Variants in ELP5 observed in about 807,000 individuals in gnomAD.
ELP5 encodes the protein elongator acetyltransferase complex subunit 5.
A neutral mutation model predicts 33.4 loss-of-function variants in ELP5; 34 were observed. That is an observed-to-expected ratio of 1.02 (90% CI 0.78 to 1.36). The LOEUF (loss-of-function observed/expected upper bound fraction) is 1.36, where lower values mean the gene tolerates loss of function less well. Ranked by LOEUF, ELP5 falls within the 40% of genes most tolerant of loss-of-function variation. The probability of loss-of-function intolerance (pLI) is 0.00; values close to 1 mark genes in which losing one functional copy is unlikely to be tolerated. For synonymous variants in ELP5, 161 were observed against 146.4 expected, an observed-to-expected ratio of 1.10 and a Z score of -0.72; for missense variants, 373 against 371.7, an observed-to-expected ratio of 1.00 and a Z score of -0.03.
intron 6 of ELP5, 31 bp downstream of exon 6, chr17:7,258,714 A>C: frequency 6.2e-7 from 1 of 1,614,086 alleles, no homozygotes; most frequent in Non-Finnish European, 8.5e-7. Context: ...CAGAACAAGG[A>C]AATGTAGTTT....
Position 7,259,684 on chromosome 17 carries a change from G to T in ELP5, c.902G>T (p.Ter301LeuextTer6). Residue 301 changes from the stop codon to leucine (L), a stop_lost, in exon 8 of 8, where the codon TGA (stop) becomes TTA (leucine). Coordinates refer to ENST00000396628, the MANE Select transcript of ELP5 (RefSeq NM_203414.3). ...QEDPDDDLDI* is the reference protein window; with the variant it reads ...QEDPDDDLDIL ...GACCCAGATGACGACCTGGATATTT[G>T]ACTGGCCAGATTTGATTAGATTGTA... The T allele has an allele frequency of 6.2e-7, 1 of 1,614,120 alleles. No homozygotes were observed. The highest frequency in any genetic ancestry group is 8.5e-7 in the Non-Finnish European group (1 of 1,179,978).
At chr17:7,256,368 T>C (rs930739369) in intron 4 of ELP5, among the ~76,000 whole-genome samples, 4 of 152,204 alleles carry the variant, frequency 2.6e-5, no homozygotes, top group Admixed American at 1.3e-4. Context: ...AAAAAATTGT[T>C]AAATGTCAGT....
In ELP5 at chr17:7,259,797, TC is replaced by T. The variant is rs2072172040; in HGVS notation, c.*116del. 4.0e-6 allele frequency: 6 copies of T among 1,498,576 alleles called. No individual in the cohort carries two copies. The allele number at this position is 1,498,576 out of a possible 1,614,324, so 92.8% of individuals were successfully genotyped here. On this transcript the variant is annotated 3_prime_UTR_variant, in exon 8 of 8. Transcript: ENST00000396628. ...TACCCTGTCCCTGCCCCACCTTGGT[TC>T]CCCTTGTCTATGGAGCCCCGCCTTG...
upstream of ELP5, chr17:7,252,156 G>A (rs996299722): frequency 4.7e-5 from 17 of 365,402 alleles, no homozygotes; most frequent in Non-Finnish European, 6.7e-5. Context: ...TGGCCGCGGG[G>A]CGGGGCCTGA....
rs76293651 is a variant in ELP5, at chr17:7,254,225, C to A, written c.189-358C>A. 0.027 allele frequency among the ~76,000 whole-genome samples: 4,141 copies of A among 152,276 alleles called. 265 individuals are homozygous for A. In the East Asian group the frequency reaches 0.28, roughly 10 times the overall value. The stretch of plus-strand genomic sequence containing the variant: ...AGGGTGATAATCTTTAGGTGCCACA[C>A]ACAGGAAATATTTGATAATGGTGAT... On this transcript the variant is annotated intron_variant, in intron 3 of 7. Coordinates refer to ENST00000396628, the MANE Select transcript of ELP5 (RefSeq NM_203414.3).
Position 7,252,341 on chromosome 17 carries a change from C to A in ELP5, c.-210C>A. 2 of 696,332 alleles carry A rather than the reference C, an allele frequency of 2.9e-6. No individual in the cohort carries two copies. The highest frequency in any genetic ancestry group is 5.0e-6 in the Non-Finnish European group (2 of 400,356). The allele number at this position is 696,332 out of a possible 1,614,324, so 43.1% of individuals were successfully genotyped here. ...AATGTAGACGGGGTCGTTGTCCGTA[C>A]GACTGTGCGCCAGGGCTCGGGGAGG... On this transcript the variant is annotated 5_prime_UTR_variant, in exon 1 of 8. Transcript: ENST00000396628.
Position 7,259,919 on chromosome 17 carries a change from TTATTTTTTTATTAAA to T in ELP5, c.*235_*249del. ...ACACCCCCGTACCTAATAAAAATCT[TTATTTTTTTATTAAA>T]AAAGAAGTACTTTGGTAGCTATTTA... On this transcript the variant is annotated 3_prime_UTR_variant, in exon 8 of 8. Coordinates refer to ENST00000396628, the MANE Select transcript of ELP5 (RefSeq NM_203414.3). 4.2e-6 allele frequency: 2 copies of T among 479,574 alleles called. No individual in the cohort carries two copies. Among genetic ancestry groups the T allele is most frequent in the South Asian group, 1.1e-4 (2 of 18,326 alleles). 29.7% of individuals were successfully genotyped at this position (479,574 alleles called of 1,614,324 possible).
upstream of ELP5, chr17:7,252,024 C>G (rs776361090): frequency 5.1e-6 from 1 of 196,846 alleles, no homozygotes; most frequent in Non-Finnish European, 1.1e-5. Context: ...ACACTACTTC[C>G]GGTGGTGACG....
chr17:7,254,504 A>G (rs1443853690), intron 3 of ELP5, 79 bp from the exon 4 acceptor site: 4 of 1,038,410 alleles, frequency 3.9e-6, no homozygotes, highest in Middle Eastern at 5.8e-4. Flanking sequence ...GAAAACAGCC[A>G]TAAAGATCAG....
At chr17:7,256,163 C>G (rs2072070337) in intron 4 of ELP5, among the ~76,000 whole-genome samples, 1 of 152,104 alleles carries the variant, frequency 6.6e-6, no homozygotes, top group Non-Finnish European at 1.5e-5. Context: ...CCAGCCTGGC[C>G]AAGATGCTGA....
At position 7,259,643 on chromosome 17, in the gene ELP5, T is replaced by C. The variant is rs1290072231; in HGVS notation, c.861T>C (p.Asp287=). Reference sequence around the variant, plus strand: ...TCTTCTATGAGCCAGATGCTTATGATGACCTGGACCAAGAAGACCCAGATG... The same window carrying C: ...TCTTCTATGAGCCAGATGCTTATGACGACCTGGACCAAGAAGACCCAGATG... ...SHIFYEPDAY[D]DLDQEDPDDD... Residue 287 remains aspartate (D), a synonymous_variant, in exon 8 of 8, where the codon GAT becomes GAC. Transcript: ENST00000396628. The C allele has an allele frequency of 6.2e-7, 1 of 1,614,266 alleles. No individual in the cohort carries two copies. The highest frequency in any genetic ancestry group is 8.5e-7 in the Non-Finnish European group (1 of 1,180,038).
chr17:7,258,420 G>C (rs1053691078), intron 5 of ELP5, among the ~76,000 whole-genome samples, 168 bp from the exon 6 acceptor site: 1 of 147,916 alleles, frequency 6.8e-6, no homozygotes, highest in Non-Finnish European at 1.5e-5. Context: ...CTGTACTCCA[G>C]CCTGGGCAAC....
chr17:7,255,230 A>C (rs1025532611), intron 4 of ELP5, among the ~76,000 whole-genome samples: 3 of 151,908 alleles, frequency 2.0e-5, no homozygotes, highest in African/African-American at 7.3e-5. Flanking sequence ...GGCACCTTAA[A>C]GAAGGGCACT....
rs1597587138 is a variant in ELP5 at position 7,258,591 on chromosome 17, C to A, written c.595C>A (p.Gln199Lys). The A allele has an allele frequency of 4.3e-6, 7 of 1,614,128 alleles. No individual in the cohort carries two copies. The highest frequency in any genetic ancestry group is 5.9e-6 in the Non-Finnish European group (7 of 1,179,992). ...CTCTTTTCTTTTTTCTCTCCAGACT[C>A]AGTGGTTCTCCATCCTTCCGGACTT... ...RPRQRPTDQT[Q>K]WFSILPDFSL... The change falls in exon 6 of 8, where the codon CAG (glutamine) becomes AAG (lysine). Residue 199 changes from glutamine (Q) to lysine (K), a missense_variant. Gln to Lys is a moderately conservative substitution (Grantham distance 53). Transcript: ENST00000396628.
intron 4 of ELP5, 72 bp from the exon 5 acceptor site, chr17:7,256,785 T>C (rs2072084079): frequency 6.7e-7 from 1 of 1,499,090 alleles, no homozygotes; most frequent in African/African-American, 1.4e-5. Flanking sequence ...AGGCTCTCTC[T>C]TCTTCACTGT....
At chr17:7,253,296 G>A (rs1017090735) in intron 3 of ELP5, among the ~76,000 whole-genome samples, 1 of 152,170 alleles carries the variant, frequency 6.6e-6, no homozygotes, top group African/African-American at 2.4e-5. Context: ...CATATGTACC[G>A]AGCACCAACT....
At chr17:7,255,138 A>C (rs1165999548) in intron 4 of ELP5, among the ~76,000 whole-genome samples, 1 of 152,022 alleles carries the variant, frequency 6.6e-6, no homozygotes, top group Admixed American at 6.6e-5. Flanking sequence ...CAGGAGCTCG[A>C]AGTCCCATAA....
intron 4 of ELP5, among the ~76,000 whole-genome samples, chr17:7,256,301 C>T (rs1445630598): frequency 6.6e-6 from 1 of 152,112 alleles, no homozygotes; most frequent in African/African-American, 2.4e-5. Flanking sequence ...CAAGATTGCG[C>T]CACTGCACTC....
intron 5 of ELP5, 56 bp downstream of exon 5, chr17:7,257,094 C>G (rs373222293): frequency 2.0e-6 from 3 of 1,464,948 alleles, no homozygotes; most frequent in Non-Finnish European, 2.7e-6. Context: ...AGGGGTGGCA[C>G]GATGGGAAGA....
Sources: allele counts gnomAD v4.1 joint callset (sites outside exome capture counted in the v4.1 genomes callset), GRCh38; gene constraint gnomAD v4.1.1; transcripts MANE v1.5; gene names NCBI Gene and HGNC (gene_info 2026-07-23, HGNC 2026-07-21).